Variants in PRR16 observed in about 807,000 individuals in gnomAD.
The protein encoded by PRR16 is proline rich 16.
PRR16 carries 6 observed loss-of-function variants against 18.2 expected under a neutral mutation model. The ratio of observed to expected loss-of-function variants is 0.33; its 90% CI spans 0.18 to 0.65. The LOEUF is 0.65. Ranked by LOEUF, PRR16 falls within the 30% of genes least tolerant of loss-of-function variation. The pLI is 0.74. For synonymous variants in PRR16, 151 were observed against 147.8 expected (o/e 1.02, Z -0.16); for missense variants, 412 against 376.6 (o/e 1.09, Z -0.78).
rs1016043755 is a variant in PRR16 at position 120,664,137 on chromosome 5, A to G, written c.160-21817A>G. ...AACATGATGAAACCCTGTCTTTACT[A>G]AAAATACAAAAATTAGCTGGGTATG... On this transcript the variant is annotated intron_variant, in intron 1 of 1. Transcript: ENST00000407149. 6.6e-5 allele frequency among the ~76,000 whole-genome samples: 10 copies of G among 152,040 alleles called. No homozygotes were observed. The South Asian group carries it at 1.5e-3, about 22-fold the overall frequency.
chr5:120,504,487 G>A (rs1415316116), intron 1 of PRR16, among the ~76,000 whole-genome samples: 1 of 151,410 alleles, frequency 6.6e-6, no homozygotes, highest in African/African-American at 2.4e-5. Context: ...TCTTGAGACT[G>A]CCTGCTTTGA....
intron 1 of PRR16, among the ~76,000 whole-genome samples, chr5:120,637,532 C>T (rs1397472617): frequency 1.3e-5 from 2 of 151,966 alleles, no homozygotes; most frequent in African/African-American, 4.8e-5. Flanking sequence ...GACTATTATT[C>T]TAAGTGAAGT....
intron 1 of PRR16, among the ~76,000 whole-genome samples, chr5:120,533,886 C>G (rs1443112152): frequency 6.6e-6 from 1 of 152,114 alleles, no homozygotes; most frequent in East Asian, 1.9e-4. Flanking sequence ...AAATAGCCTG[C>G]AGGTAGTGAG....
chr5:120,778,251 C>T, the PRR16 span, among the ~76,000 whole-genome samples: 3 of 151,992 alleles, frequency 2.0e-5, no homozygotes, highest in African/African-American at 4.8e-5. Context: ...TAGATACCTG[C>T]CAATTAAACT....
intron 1 of PRR16, among the ~76,000 whole-genome samples, chr5:120,685,308 C>T (rs1351138756): frequency 1.3e-5 from 2 of 152,122 alleles, no homozygotes; most frequent in East Asian, 1.9e-4. Flanking sequence ...TCTGAGACTC[C>T]CAAGGATTCT....
At chr5:120,617,438 C>T (rs1561576377) in intron 1 of PRR16, among the ~76,000 whole-genome samples, 1 of 152,052 alleles carries the variant, frequency 6.6e-6, no homozygotes, top group Non-Finnish European at 1.5e-5. Flanking sequence ...TGTTTAAATT[C>T]CACATAAGGA....
At chr5:120,598,241 A>G (rs1753875613) in intron 1 of PRR16, among the ~76,000 whole-genome samples, 1 of 151,804 alleles carries the variant, frequency 6.6e-6, no homozygotes, top group Non-Finnish European at 1.5e-5. Flanking sequence ...TTTCTTTTAC[A>G]TTAATGTAGC....
chr5:120,594,769 A>T (rs1387928608), intron 1 of PRR16, among the ~76,000 whole-genome samples: 3 of 152,126 alleles, frequency 2.0e-5, no homozygotes, highest in African/African-American at 7.2e-5. Context: ...CAGGTAGACC[A>T]ATGGAACAGA....
the PRR16 span, among the ~76,000 whole-genome samples, chr5:120,720,563 A>G: frequency 0.34 from 51,658 of 151,820 alleles, 10,789 homozygotes; most frequent in Middle Eastern, 0.52. Flanking sequence ...TGGCTTTATC[A>G]ATTTATAGTA....
intron 1 of PRR16, among the ~76,000 whole-genome samples, chr5:120,645,383 TCC>T (rs375699744): frequency 4.5e-5 from 3 of 66,056 alleles, no homozygotes; most frequent in African/African-American, 1.6e-4. Context: ...TACCCACCCA[TCC>T]CCCCCCCACA....
intron 1 of PRR16, among the ~76,000 whole-genome samples, chr5:120,576,772 C>A (rs183140104): frequency 8.3e-4 from 126 of 152,172 alleles, no homozygotes; most frequent in African/African-American, 2.9e-3. Flanking sequence ...CCATCAAGCT[C>A]TCCTGGCTTA....
At chr5:120,702,241 A>T in the PRR16 span, among the ~76,000 whole-genome samples, 1 of 71,266 alleles carries the variant, frequency 1.4e-5, no homozygotes, top group South Asian at 4.3e-4. Flanking sequence ...GGACACAGAA[A>T]TAAGGGGTCG....
At chr5:120,769,205 G>T in the PRR16 span, among the ~76,000 whole-genome samples, 1 of 151,454 alleles carries the variant, frequency 6.6e-6, no homozygotes, top group Admixed American at 6.6e-5. Context: ...TTTTGTTAAG[G>T]TATTTGATAC....
intron 1 of PRR16, among the ~76,000 whole-genome samples, chr5:120,648,890 C>T (rs1427646740): frequency 1.3e-5 from 2 of 152,108 alleles, no homozygotes. Flanking sequence ...TGCACAAGAG[C>T]ACACCTTTAT....
chr5:120,646,330 G>A (rs768370846), intron 1 of PRR16, among the ~76,000 whole-genome samples: 1 of 151,898 alleles, frequency 6.6e-6, no homozygotes, highest in African/African-American at 2.4e-5. Flanking sequence ...AATAGTGACA[G>A]TCTTATTCAT....
chr5:120,724,442 A>C, the PRR16 span, among the ~76,000 whole-genome samples: 1 of 152,194 alleles, frequency 6.6e-6, no homozygotes, highest in African/African-American at 2.4e-5. Flanking sequence ...GTTGCTGAGA[A>C]AATTAAATGT....
intron 1 of PRR16, among the ~76,000 whole-genome samples, chr5:120,599,870 G>A (rs1287661999): frequency 2.0e-5 from 3 of 151,730 alleles, no homozygotes; most frequent in Admixed American, 6.6e-5. Flanking sequence ...TTTCTGGTTT[G>A]TAAGGAGCTC....
At chr5:120,657,489 T>C (rs944582571) in intron 1 of PRR16, among the ~76,000 whole-genome samples, 1 of 151,896 alleles carries the variant, frequency 6.6e-6, no homozygotes, top group African/African-American at 2.4e-5. Flanking sequence ...AAATGACACA[T>C]TGGGGATTTT....
chr5:120,558,665 G>C (rs1057201795), intron 1 of PRR16, among the ~76,000 whole-genome samples: 4 of 151,740 alleles, frequency 2.6e-5, no homozygotes, highest in Admixed American at 6.6e-5. Flanking sequence ...TGTATACCTA[G>C]AGTGGGATTG....
Sources: allele counts gnomAD v4.1 joint callset (sites outside exome capture counted in the v4.1 genomes callset), GRCh38; gene constraint gnomAD v4.1.1; transcripts MANE v1.5; gene names NCBI Gene and HGNC (gene_info 2026-07-23, HGNC 2026-07-21).